The following UGT2B7 variants were observed in gnomAD, a reference collection of about 807,000 sequenced individuals.
The protein encoded by UGT2B7 is UDP glucuronosyltransferase family 2 member B7, also known as UDP-glucuronosyltransferase 2B7.
In UGT2B7, 51 loss-of-function variants were observed where a neutral mutation model predicts 51.9. The observed-to-expected ratio is 0.98, with a 90% CI of 0.78 to 1.24. UGT2B7 has a LOEUF of 1.24. UGT2B7 is among the 50% of genes most tolerant of loss of function. The pLI, the probability that UGT2B7 is intolerant of heterozygous loss-of-function variation, is 0.00. For missense variants in UGT2B7, 727 were observed against 628.4 expected (o/e 1.16, Z -1.68); for synonymous variants, 225 against 211.6 (o/e 1.06, Z -0.55).
chr4:69,078,253 A>G, intron 1 of UGT2B7, among the ~76,000 whole-genome samples: 1 of 152,004 alleles, frequency 6.6e-6, no homozygotes, highest in East Asian at 1.9e-4. Context: ...ATTCGCCTGA[A>G]ATTTTCTTTT....
At chr4:69,068,647 T>C (rs1404694326) in intron 1 of UGT2B7, among the ~76,000 whole-genome samples, 2 of 151,976 alleles carry the variant, frequency 1.3e-5, no homozygotes, top group Non-Finnish European at 2.9e-5. Context: ...ATTTGTGTTA[T>C]GTAACCCAAT....
Position 69,070,503 on chromosome 4 carries a change from T to A in UGT2B7, c.-159+18901T>A, listed in dbSNP as rs534909169. 3.3e-5 allele frequency among the ~76,000 whole-genome samples: 5 copies of A among 150,708 alleles called. No individual in the cohort carries two copies. The South Asian group carries it at 1.0e-3, about 31-fold the overall frequency. On this transcript the variant is annotated intron_variant, in intron 1 of 5. Transcript: ENST00000502942. ...ATTGCAAGACAAATTTTATTTTGAC[T>A]ACTGAAGTAGGGGACAGACACTACA...
At chr4:69,084,394 T>C (rs1718903890) in intron 1 of UGT2B7, among the ~76,000 whole-genome samples, 1 of 149,874 alleles carries the variant, frequency 6.7e-6, no homozygotes, top group South Asian at 2.1e-4. Context: ...TGACAAATCA[T>C]TTTTAAAGCA....
intron 2 of UGT2B7, among the ~76,000 whole-genome samples, chr4:69,100,864 C>A (rs1409238308): frequency 6.6e-6 from 1 of 151,970 alleles, no homozygotes; most frequent in Admixed American, 6.6e-5. Flanking sequence ...AAGATAATTT[C>A]TTATAAGAGA....
chr4:69,080,547 CAA>C (rs200513314), intron 1 of UGT2B7, among the ~76,000 whole-genome samples: 5 of 132,954 alleles, frequency 3.8e-5, no homozygotes, highest in Admixed American at 7.5e-5. Context: ...GACTCCGTCT[CAA>C]AAAAAAAAAA....
At chr4:69,076,114 CT>C (rs1718698492) in intron 1 of UGT2B7, among the ~76,000 whole-genome samples, 1 of 152,072 alleles carries the variant, frequency 6.6e-6, no homozygotes, top group African/African-American at 2.4e-5. Context: ...TGTACTCATC[CT>C]TTTTTATGTG....
At chr4:69,107,031 T>C in intron 3 of UGT2B7, 144 bp from the exon 4 acceptor site, 1 of 867,146 alleles carries the variant, frequency 1.2e-6, no homozygotes, top group Non-Finnish European at 1.6e-6. Context: ...AGAAAATTAA[T>C]GTGAGTATTC....
chr4:69,105,553 T>A (rs78739827), intron 3 of UGT2B7, among the ~76,000 whole-genome samples: 394 of 152,338 alleles, frequency 2.6e-3, no homozygotes, highest in African/African-American at 9.2e-3. Context: ...TAGCACGTTG[T>A]CTCAGTGTTA....
chr4:69,098,707 G>C lies in UGT2B7; in HGVS notation c.870+19G>C. On this transcript the variant is annotated intron_variant, in intron 2 of 5. Transcript: ENST00000305231. Reference sequence around the variant, plus strand: ...GCCTAAGGTAAACATACTTTTGTTGGTTTTATTTTGTTGGCTTTGAATTTT... The same window carrying C: ...GCCTAAGGTAAACATACTTTTGTTGCTTTTATTTTGTTGGCTTTGAATTTT... The C allele has an allele frequency of 1.9e-6, 3 of 1,602,456 alleles. No individual in the cohort carries two copies. Among genetic ancestry groups the C allele is most frequent in the Non-Finnish European group, 2.5e-6 (3 of 1,176,512 alleles).
intron 2 of UGT2B7, 55 bp from the exon 3 acceptor site, chr4:69,102,752 G>T: frequency 1.9e-6 from 3 of 1,573,492 alleles, no homozygotes; most frequent in Non-Finnish European, 2.6e-6. Context: ...AATTCTTTTG[G>T]TAGTGCCCGC....
chr4:69,101,798 G>T (rs1320512392), intron 2 of UGT2B7, among the ~76,000 whole-genome samples: 2 of 152,262 alleles, frequency 1.3e-5, no homozygotes, highest in African/African-American at 2.4e-5. Context: ...GACAACGCAA[G>T]TCAGAATAAT....
chr4:69,103,055 A>G, intron 3 of UGT2B7, 117 bp downstream of exon 3: 1 of 1,508,522 alleles, frequency 6.6e-7, no homozygotes, highest in Non-Finnish European at 8.8e-7. Flanking sequence ...TTGAAAAATT[A>G]GAACAAGGAT....
In UGT2B7 at chr4:69,102,924, C is replaced by A. The variant is rs1421378713; in HGVS notation, c.988C>A (p.Gln330Lys). The part of the protein sequence containing the change: ...RANVIASALA[Q>K]IPQKVLWRFD... ...CAACGTAATTGCATCAGCCCTGGCC[C>A]AGATCCCACAAAAGGTAAGATGAAG... Residue 330 changes from glutamine to lysine, a missense_variant, in exon 3 of 6, where the codon CAG becomes AAG. Physicochemically the swap from Gln to Lys is moderately conservative, Grantham distance 53. Transcript: ENST00000305231. 6.2e-7 allele frequency: 1 copy of A among 1,612,640 alleles called. No homozygotes were observed.
chr4:69,106,762 A>AT (rs1719612710), intron 3 of UGT2B7, among the ~76,000 whole-genome samples: 3 of 151,730 alleles, frequency 2.0e-5, no homozygotes, highest in Admixed American at 6.6e-5. Flanking sequence ...GTATCATGAT[A>AT]TTTTTTGAGT....
rs575973782 is a variant in UGT2B7 at position 69,053,114 on chromosome 4, C to T, written c.-159+1512C>T. Among the ~76,000 whole-genome samples the T allele has an allele frequency of 9.5e-3, 1,447 of 151,994 alleles. 20 individuals are homozygous for T. Among genetic ancestry groups the T allele is most frequent in the South Asian group, 0.045 (218 of 4,818 alleles). On this transcript the variant is annotated intron_variant, in intron 1 of 5. Transcript: ENST00000502942. ...AAAATTATAAAAGGTTAAAAAGAGT[C>T]TATAAAATCTTACCTTATGGTCAAA...
intron 1 of UGT2B7, among the ~76,000 whole-genome samples, chr4:69,081,786 C>T (rs1718844272): frequency 6.6e-6 from 1 of 152,128 alleles, no homozygotes; most frequent in African/African-American, 2.4e-5. Context: ...GATCATATTG[C>T]ACCATTTACA....
At chr4:69,109,056 T>C (rs1453195464) in intron 5 of UGT2B7, among the ~76,000 whole-genome samples, 3 of 152,048 alleles carry the variant, frequency 2.0e-5, no homozygotes, top group Admixed American at 6.6e-5. Context: ...TTTTTCTGGT[T>C]TTAGTTTCAT....
chr4:69,079,185 T>C (rs1052950533), intron 1 of UGT2B7, among the ~76,000 whole-genome samples: 8 of 152,148 alleles, frequency 5.3e-5, no homozygotes, highest in Non-Finnish European at 1.5e-5. Flanking sequence ...TTTTGTGCCA[T>C]GCCATCAGGG....
upstream of UGT2B7, among the ~76,000 whole-genome samples, chr4:69,092,513 T>A (rs1263546736): frequency 2.0e-5 from 3 of 151,020 alleles, no homozygotes; most frequent in Non-Finnish European, 4.4e-5. Context: ...TTCAGGAAAC[T>A]TCTAGCTCCA....
Sources: gnomAD v4.1 joint callset for allele counts (sites outside exome capture counted in the v4.1 genomes callset) on GRCh38, gnomAD v4.1.1 for gene constraint, MANE v1.5 for transcripts, NCBI Gene and HGNC (gene_info 2026-07-23, HGNC 2026-07-21) for gene names.